The following PTPRR variants were observed in gnomAD, a reference collection of about 807,000 sequenced individuals.
The protein encoded by PTPRR is protein tyrosine phosphatase receptor type R.
In PTPRR, 38 loss-of-function variants were observed where a neutral mutation model predicts 77.2. The observed-to-expected ratio is 0.49, with a 90% CI of 0.38 to 0.65. The LOEUF is 0.65. Ranked by LOEUF, PTPRR falls within the 30% of genes least tolerant of loss-of-function variation. The pLI is 0.00. For synonymous variants in PTPRR, 299 were observed against 283.1 expected (o/e 1.06, Z -0.57); for missense variants, 744 against 799.2 (o/e 0.93, Z 0.83).
intron 6 of PTPRR, among the ~76,000 whole-genome samples, chr12:70,739,654 C>T (rs991273574): frequency 2.0e-5 from 3 of 152,154 alleles, no homozygotes; most frequent in African/African-American, 4.8e-5. Context: ...ACTTAAAAAC[C>T]AGTTCAAGTC....
chr12:70,669,215 C>A (rs1592653584), intron 10 of PTPRR, among the ~76,000 whole-genome samples: 1 of 152,048 alleles, frequency 6.6e-6, no homozygotes, highest in Admixed American at 6.6e-5. Flanking sequence ...CCAGAGTACC[C>A]TTATTTCTAA....
chr12:70,756,493 C>T (rs1890566965), intron 4 of PTPRR, among the ~76,000 whole-genome samples: 3 of 152,150 alleles, frequency 2.0e-5, no homozygotes, highest in Non-Finnish European at 4.4e-5. Context: ...CTAACCTTTG[C>T]ATAGGGTTAA....
chr12:70,733,481 A>AAAAAAAAAAAAAAAAAAAAAAAAATTAT (rs1565672469), intron 6 of PTPRR, among the ~76,000 whole-genome samples: 5 of 80,832 alleles, frequency 6.2e-5, no homozygotes, highest in African/African-American at 1.3e-4. Context: ...AAAAAAAAAA[A>AAAAAAAAAAAAAAAAAAAAAAAAATTAT]GAAAAAAAAA....
intron 6 of PTPRR, among the ~76,000 whole-genome samples, chr12:70,719,302 C>A (rs1434935931): frequency 6.6e-6 from 1 of 152,104 alleles, no homozygotes; most frequent in Non-Finnish European, 1.5e-5. Context: ...CTAGGCTGTC[C>A]TCGATAAGGC....
intron 5 of PTPRR, among the ~76,000 whole-genome samples, chr12:70,750,890 G>A (rs1182416045): frequency 2.7e-5 from 4 of 149,594 alleles, no homozygotes; most frequent in Non-Finnish European, 5.9e-5. Context: ...CATCAGCCTG[G>A]ATGATTTTTT....
chr12:70,796,600 C>T (rs192638189), intron 2 of PTPRR, among the ~76,000 whole-genome samples: 3 of 152,142 alleles, frequency 2.0e-5, no homozygotes, highest in Admixed American at 2.0e-4. Context: ...AGGTAGAAAA[C>T]ACATCTCTTC....
intron 2 of PTPRR, among the ~76,000 whole-genome samples, chr12:70,808,285 C>G (rs1185908353): frequency 6.6e-6 from 1 of 152,114 alleles, no homozygotes; most frequent in African/African-American, 2.4e-5. Context: ...CACAGTGGGA[C>G]ATGGAAGTTC....
At chr12:70,913,075 C>T (rs912963438) in intron 1 of PTPRR, among the ~76,000 whole-genome samples, 4 of 152,080 alleles carry the variant, frequency 2.6e-5, no homozygotes. Flanking sequence ...AATATAACAT[C>T]CGTGTTATCT....
intron 2 of PTPRR, among the ~76,000 whole-genome samples, chr12:70,805,498 T>C (rs963824266): frequency 1.1e-4 from 16 of 152,092 alleles, no homozygotes; most frequent in Admixed American, 3.3e-4. Flanking sequence ...GGACTACAAG[T>C]GGGCACCCCC....
rs1252684562 is a variant in PTPRR at position 70,920,493 on chromosome 12, T to C, written c.-103A>G. On this transcript the variant is annotated 5_prime_UTR_variant, in exon 1 of 14. Coordinates refer to ENST00000283228, the MANE Select transcript of PTPRR (RefSeq NM_002849.4). ...GCCAAGGGTCTTCTAGTCTCCGGGATTCAGGTCCTCGGCTGGGGTTTGCAG... is the reference window on the plus strand; with the variant it reads ...GCCAAGGGTCTTCTAGTCTCCGGGACTCAGGTCCTCGGCTGGGGTTTGCAG... 8.7e-7 allele frequency: 1 copy of C among 1,152,584 alleles called. No homozygotes were observed. The highest frequency in any genetic ancestry group is 1.3e-6 in the Non-Finnish European group (1 of 796,374). 71.4% of individuals were successfully genotyped at this position (1,152,584 alleles called of 1,614,324 possible).
At chr12:70,774,143 C>T (rs534818038) in intron 2 of PTPRR, among the ~76,000 whole-genome samples, 19 of 151,610 alleles carry the variant, frequency 1.3e-4, no homozygotes, top group Admixed American at 1.0e-3. Flanking sequence ...CCTTGCAAGG[C>T]CAAAGATGGA....
chr12:70,920,200 C>T, intron 1 of PTPRR, 133 bp downstream of exon 1: 1 of 910,444 alleles, frequency 1.1e-6, no homozygotes, highest in Non-Finnish European at 1.7e-6. Context: ...TCACCCCTTC[C>T]CTGTCAGGTA....
chr12:70,759,017 C>T (rs755689142), intron 4 of PTPRR, among the ~76,000 whole-genome samples: 19 of 152,114 alleles, frequency 1.2e-4, no homozygotes, highest in Admixed American at 4.6e-4. Flanking sequence ...TCATTACAAC[C>T]GTAAATTCCT....
intron 2 of PTPRR, among the ~76,000 whole-genome samples, chr12:70,813,981 T>TGCC (rs1159223981): frequency 6.6e-6 from 1 of 152,152 alleles, no homozygotes; most frequent in African/African-American, 2.4e-5. Flanking sequence ...ATGGGGATAG[T>TGCC]TCCTGTTTCC....
intron 8 of PTPRR, among the ~76,000 whole-genome samples, chr12:70,697,695 T>C (rs1426914903): frequency 6.6e-6 from 1 of 152,130 alleles, no homozygotes; most frequent in African/African-American, 2.4e-5. Context: ...AGCTCTTATG[T>C]GTAGGTCTCT....
chr12:70,867,686 CT>C (rs1263922984), intron 2 of PTPRR, among the ~76,000 whole-genome samples: 3 of 152,040 alleles, frequency 2.0e-5, no homozygotes, highest in Non-Finnish European at 2.9e-5. Flanking sequence ...GAAAAAACTA[CT>C]TTAAACTTCA....
chr12:70,645,430 CA>C (rs1332690229), intron 13 of PTPRR, among the ~76,000 whole-genome samples: 4 of 152,280 alleles, frequency 2.6e-5, no homozygotes, highest in African/African-American at 7.2e-5. Flanking sequence ...GTTAATACGA[CA>C]CCTAGGGTAA....
intron 1 of PTPRR, among the ~76,000 whole-genome samples, chr12:70,902,702 A>G (rs1893558164): frequency 6.6e-6 from 1 of 151,712 alleles, no homozygotes; most frequent in Non-Finnish European, 1.5e-5. Flanking sequence ...GCAAAGCCAT[A>G]AGAATGATAC....
At chr12:70,882,719 G>C (rs1024033591) in intron 2 of PTPRR, among the ~76,000 whole-genome samples, 8 of 151,996 alleles carry the variant, frequency 5.3e-5, no homozygotes, top group African/African-American at 1.9e-4. Context: ...TGCCAACACT[G>C]ATCCAAAGAG....
Sources: gnomAD v4.1 joint callset for allele counts (sites outside exome capture counted in the v4.1 genomes callset) on GRCh38, gnomAD v4.1.1 for gene constraint, MANE v1.5 for transcripts, NCBI Gene and HGNC (gene_info 2026-07-23, HGNC 2026-07-21) for gene names.